The following DAXX variants were observed in gnomAD, a reference collection of about 807,000 sequenced individuals.
DAXX encodes the protein death domain associated protein, also known as death domain-associated protein 6.
DAXX carries 24 observed loss-of-function variants against 61.9 expected under a neutral mutation model. That is an observed-to-expected ratio of 0.39 (90% CI 0.28 to 0.55). The LOEUF (loss-of-function observed/expected upper bound fraction) is 0.55. DAXX is among the 20% of genes least tolerant of loss of function. DAXX has a pLI of 0.69. For synonymous variants in DAXX, 357 were observed against 369.5 expected, an observed-to-expected ratio of 0.97 and a Z score of 0.39; for missense variants, 819 against 935.3, an observed-to-expected ratio of 0.88 and a Z score of 1.62.
rs762814956 is a variant in DAXX, at chr6:33,322,879, G to C, written c.-70C>G. On this transcript the variant is annotated 5_prime_UTR_variant, in exon 1 of 8. Coordinates refer to ENST00000374542, the MANE Select transcript of DAXX (RefSeq NM_001141969.2). ...GCCCCCACCTCAGAAACCGTCTCTC[G>C]AGGCGACCCTCGCCGCAATTCTCAG... 7.1e-7 allele frequency: 1 copy of C among 1,411,462 alleles called. No homozygotes were observed. The highest frequency in any genetic ancestry group is 1.1e-5 in the South Asian group (1 of 87,434). The allele number at this position is 1,411,462 out of a possible 1,614,324, so 87.4% of individuals were successfully genotyped here.
At position 33,321,037 on chromosome 6, in the gene DAXX, A is replaced by C. The variant is rs200071612; in HGVS notation, c.738T>G (p.Ser246=). The C allele has an allele frequency of 6.2e-7, 1 of 1,614,150 alleles. No homozygotes were observed. Among genetic ancestry groups the C allele is most frequent in the East Asian group, 2.2e-5 (1 of 44,886 alleles). Residue 246 remains serine, a synonymous_variant, in exon 3 of 8, where the codon TCT becomes TCG. Transcript: ENST00000374542. The surrounding 1 kb of genome is among the most constrained non-coding windows in gnomAD (Gnocchi z 7.2). The stretch of plus-strand genomic sequence containing the variant: ...GCTCTATGACACGGCCGGTCAGTGA[A>C]GAGCAGTCTTTCAGCTCACATAGTC... ...FGRLCELKDC[S]SLTGRVIEQR...
chr6:33,318,627 A>C lies in DAXX; in HGVS notation c.*116T>G. The C allele has an allele frequency of 2.3e-6, 1 of 431,304 alleles. No individual in the cohort carries two copies. Among genetic ancestry groups the C allele is most frequent in the Non-Finnish European group, 4.2e-6 (1 of 238,684 alleles). The allele number at this position is 431,304 out of a possible 1,614,324, so 26.7% of individuals were successfully genotyped here. ...AAACTTAAGCTTTTTTTTTTTTTTAAAGAAACACCACCAAAAGGGGATTAG... is the reference window on the plus strand; with the variant it reads ...AAACTTAAGCTTTTTTTTTTTTTTACAGAAACACCACCAAAAGGGGATTAG... On this transcript the variant is annotated 3_prime_UTR_variant, in exon 8 of 8. Coordinates refer to ENST00000374542, the MANE Select transcript of DAXX (RefSeq NM_001141969.2).
chr6:33,319,819 G>T lies in DAXX; in HGVS notation c.1501C>A (p.Gln501Lys). ...DGDKSPMSSLQISNEKNLEPG... is the reference protein window; with the variant it reads ...DGDKSPMSSLKISNEKNLEPG... ...TCCAGGTTCTTTTCATTGGAGATCT[G>T]TAGTGAGGACATGGGGCTCTTGTCT... The change falls in exon 6 of 8, where the codon CAG becomes AAG. Residue 501 changes from glutamine (Q) to lysine (K), a missense_variant. Transcript: ENST00000374542. 6.2e-7 allele frequency: 1 copy of T among 1,613,688 alleles called. No individual in the cohort carries two copies. Among genetic ancestry groups the T allele is most frequent in the Non-Finnish European group, 8.5e-7 (1 of 1,179,828 alleles).
In DAXX at chr6:33,321,358, G is replaced by C; in HGVS notation, c.417C>G (p.Ala139=). 1 of 1,613,150 alleles carries C rather than the reference G, an allele frequency of 6.2e-7. No individual in the cohort carries two copies. Among genetic ancestry groups the C allele is most frequent in the Non-Finnish European group, 8.5e-7 (1 of 1,179,064 alleles). ...CAGGGGCCAAGTTCAGCTTCTTTTT[G>C]GCTGAGTGGGCCTTGAGAACAGTGC... ...ELCTVLKAHS[A]KKKLNLAPAA... The change falls in exon 3 of 8, where the codon GCC becomes GCG. Residue 139 remains alanine (A), a synonymous_variant. Transcript: ENST00000374542. The surrounding 1 kb of genome is among the most constrained non-coding windows in gnomAD (Gnocchi z 7.2).
At position 33,320,002 on chromosome 6, in the gene DAXX, T is replaced by C; in HGVS notation, c.1465+9A>G. ...AATGACAGGTGAGGAGAATGTTCCC[T>C]TGACATACCTGCTGCTGCTTCTTCC... On this transcript the variant is annotated intron_variant, in intron 5 of 7. Transcript: ENST00000374542. The surrounding 1 kb of genome is among the most constrained non-coding windows in gnomAD (Gnocchi z 7.1). 6.2e-7 allele frequency: 1 copy of C among 1,614,020 alleles called. No individual in the cohort carries two copies. The highest frequency in any genetic ancestry group is 8.5e-7 in the Non-Finnish European group (1 of 1,179,960).
Position 33,321,467 on chromosome 6 carries a change from GC to G in DAXX, c.307del (p.Ala103ArgfsTer41). The G allele has an allele frequency of 6.2e-7, 1 of 1,614,048 alleles. No individual in the cohort carries two copies. Among genetic ancestry groups the G allele is most frequent in the Non-Finnish European group, 8.5e-7 (1 of 1,180,006 alleles). The stretch of plus-strand genomic sequence containing the variant: ...CCTAGAGAGGATGTTGCAGAACTCC[GC>G]CGAGGCCAAAAACAGAGAGTGGGCA... ...QRAHSLFLAS[A>X]EFCNILSRVL... On this transcript the variant is annotated frameshift_variant, in exon 3 of 8. Transcript: ENST00000374542. LOFTEE classifies it high-confidence loss of function. The surrounding 1 kb of genome is among the most constrained non-coding windows in gnomAD (Gnocchi z 7.2).
Position 33,321,114 on chromosome 6 carries a change from C to T in DAXX, c.661G>A (p.Ala221Thr), listed in dbSNP as rs776375824. The change falls in exon 3 of 8, where the codon GCA becomes ACA. Residue 221 changes from alanine to threonine, a missense_variant. By Grantham distance (58) the Ala-to-Thr change is moderately conservative (BLOSUM62 0). Transcript: ENST00000374542. The surrounding 1 kb of genome is among the most constrained non-coding windows in gnomAD (Gnocchi z 7.2). ...TTCAACCGTGCCTCCTGCAGGTATG[C>T]GGAGTCTGGGTCATCCAATTCTGAG... ...DLSELDDPDS[A>T]YLQEARLKRK... 1.6e-5 allele frequency: 25 copies of T among 1,610,998 alleles called. No individual in the cohort carries two copies. The highest frequency in any genetic ancestry group is 4.0e-5 in the African/African-American group (3 of 74,856).
Position 33,320,408 on chromosome 6 carries a change from G to A in DAXX, c.1223C>T (p.Thr408Ile), listed in dbSNP as rs779938017. Residue 408 changes from threonine to isoleucine, a missense_variant, in exon 4 of 8, where the codon ACC becomes ATC. Transcript: ENST00000374542. The surrounding 1 kb of genome is among the most constrained non-coding windows in gnomAD (Gnocchi z 7.1). ...ACCAGAATCCAAGGAGGCTTCGGGG[G>A]TGTCTGCAGAGTGGGAAGAGGTGCC... ...LQGTSSHSAD[T>I]PEASLDSGEG... 2 of 1,612,992 alleles carry A rather than the reference G, an allele frequency of 1.2e-6. No individual in the cohort carries two copies. The highest frequency in any genetic ancestry group is 1.7e-6 in the Non-Finnish European group (2 of 1,178,912).
Position 33,319,040 on chromosome 6 carries a change from G to A in DAXX, c.2120C>T (p.Ser707Phe), listed in dbSNP as rs915933778. ...AGGAGGCTGTGAATGGGGGGTTTGG[G>A]ACAGCCGGGCTGGAGAAGGGATGCA... ...SLCIPSPARL[S>F]QTPHSQPPRP... Residue 707 changes from serine to phenylalanine, a missense_variant, in exon 7 of 8, where the codon TCC (serine) becomes TTC (phenylalanine). Transcript: ENST00000374542. 2 of 1,613,800 alleles carry A rather than the reference G, an allele frequency of 1.2e-6. No individual in the cohort carries two copies. The highest frequency in any genetic ancestry group is 3.3e-5 in the Admixed American group (2 of 60,036).
chr6:33,320,334 G>T lies in DAXX; in HGVS notation c.1251+46C>A. 6.8e-7 allele frequency: 1 copy of T among 1,476,530 alleles called. No homozygotes were observed. The highest frequency in any genetic ancestry group is 9.5e-7 in the Non-Finnish European group (1 of 1,054,322). 91.5% of individuals were successfully genotyped at this position (1,476,530 alleles called of 1,614,324 possible). ...CAACCTGGACTCCCTGGTGGCCAGTGCAGGGGAAGGACAATGTCTCTCTGA... is the reference window on the plus strand; with the variant it reads ...CAACCTGGACTCCCTGGTGGCCAGTTCAGGGGAAGGACAATGTCTCTCTGA... On this transcript the variant is annotated intron_variant, in intron 4 of 7. Transcript: ENST00000374542. The surrounding 1 kb of genome is among the most constrained non-coding windows in gnomAD (Gnocchi z 7.1).
rs758302247 is a variant in DAXX, at chr6:33,320,773, G to A, written c.1002C>T (p.Tyr334=). 2 of 1,614,202 alleles carry A rather than the reference G, an allele frequency of 1.2e-6. No homozygotes were observed. The highest frequency in any genetic ancestry group is 1.7e-6 in the Non-Finnish European group (2 of 1,180,044). ...LQERRHLDLI[Y]NFGCHLTDDY... ...CATCTGTGAGGTGGCAGCCAAAGTT[G>A]TAGATGAGATCGAGGTGACGTCGCT... The change falls in exon 3 of 8, where the codon TAC becomes TAT. Residue 334 remains tyrosine (Y), a synonymous_variant. Transcript: ENST00000374542. The surrounding 1 kb of genome is among the most constrained non-coding windows in gnomAD (Gnocchi z 7.1).
rs1770522226 is a variant in DAXX at position 33,321,001 on chromosome 6, G to A, written c.774C>T (p.Pro258=). 1 of 1,613,842 alleles carries A rather than the reference G, an allele frequency of 6.2e-7. No homozygotes were observed. Among genetic ancestry groups the A allele is most frequent in the Non-Finnish European group, 8.5e-7 (1 of 1,179,820 alleles). The stretch of plus-strand genomic sequence containing the variant: ...CCTCTGGGTAGCGGGTGCCACGGTA[G>A]GGGATGCGCTGCTCTATGACACGGC... ...LTGRVIEQRI[P]YRGTRYPEVN... Residue 258 remains proline (P), a synonymous_variant, in exon 3 of 8, where the codon CCC becomes CCT. Coordinates refer to ENST00000374542, the MANE Select transcript of DAXX (RefSeq NM_001141969.2). The surrounding 1 kb of genome is among the most constrained non-coding windows in gnomAD (Gnocchi z 7.2).
At position 33,319,000 on chromosome 6, in the gene DAXX, G is replaced by A. The variant is rs376435137; in HGVS notation, c.2160C>T (p.Cys720=). 10 of 1,611,866 alleles carry A rather than the reference G, an allele frequency of 6.2e-6. No individual in the cohort carries two copies. Among genetic ancestry groups the A allele is most frequent in the Non-Finnish European group, 7.6e-6 (9 of 1,178,970 alleles). The change falls in exon 7 of 8, where the codon TGC becomes TGT. Residue 720 remains cysteine, a synonymous_variant. Coordinates refer to ENST00000374542, the MANE Select transcript of DAXX (RefSeq NM_001141969.2). ...AAACACGCCCTCCCCTTCTTACCTTGCAAGTACCAGGCCGAGGAGGCTGTG... is the reference window on the plus strand; with the variant it reads ...AAACACGCCCTCCCCTTCTTACCTTACAAGTACCAGGCCGAGGAGGCTGTG... ...PHSQPPRPGT[C]KTSVATQCDP...
rs527236891 is a variant in DAXX at position 33,321,946 on chromosome 6, G to A, written c.-21C>T. The A allele has an allele frequency of 4.3e-5, 68 of 1,595,682 alleles. No individual in the cohort carries two copies. In the South Asian group the frequency reaches 7.3e-4, roughly 17 times the overall value. On this transcript the variant is annotated 5_prime_UTR_variant, in exon 2 of 8. Coordinates refer to ENST00000374542, the MANE Select transcript of DAXX (RefSeq NM_001141969.2). This position sits in a 1 kb window ranked among gnomAD's most constrained non-coding sequence, Gnocchi z 7.2. ...GCCATAGGGGATCAAATCCCCCGGA[G>A]GGAGGAAGTGGTGGGGATTTCAGAA... is the stretch of plus-strand genomic sequence containing the variant.
chr6:33,318,853 A>G (rs2150986326), intron 7 of DAXX, 51 bp from the exon 8 acceptor site: 1 of 1,291,368 alleles, frequency 7.7e-7, no homozygotes, highest in Non-Finnish European at 1.1e-6. Flanking sequence ...GTACAGGAGA[A>G]AAGAAACAGG....
Position 33,322,852 on chromosome 6 carries a change from C to T in DAXX, c.-53+10G>A. 1.4e-6 allele frequency: 2 copies of T among 1,384,406 alleles called. No homozygotes were observed. Among genetic ancestry groups the T allele is most frequent in the Non-Finnish European group, 2.0e-6 (2 of 1,014,078 alleles). 85.8% of individuals were successfully genotyped at this position (1,384,406 alleles called of 1,614,324 possible). A position where few individuals can be genotyped will look rare whatever the true frequency, so the allele number is the denominator to read the frequency against. ...CCCCGCCTCTGATCCCCGCACCGTC[C>T]GGCCCCCACCTCAGAAACCGTCTCT... is the stretch of plus-strand genomic sequence containing the variant. On this transcript the variant is annotated intron_variant, in intron 1 of 7. Transcript: ENST00000374542.
chr6:33,319,108 C>A lies in DAXX; in HGVS notation c.2052G>T (p.Thr684=). Reference sequence around the variant, plus strand: ...GGCCATGGCTGGGAGAGTCCACCCTCGTGGAGGAATCAGCAACTGGGGCCA... The same window carrying A: ...GGCCATGGCTGGGAGAGTCCACCCTAGTGGAGGAATCAGCAACTGGGGCCA... ...ASLAPVADSS[T]RVDSPSHGLV... Residue 684 remains threonine, a synonymous_variant, in exon 7 of 8, where the codon ACG becomes ACT. Coordinates refer to ENST00000374542, the MANE Select transcript of DAXX (RefSeq NM_001141969.2). 9 of 1,614,142 alleles carry A rather than the reference C, an allele frequency of 5.6e-6. No homozygotes were observed. The highest frequency in any genetic ancestry group is 7.6e-6 in the Non-Finnish European group (9 of 1,180,032).
intron 1 of DAXX, 55 bp downstream of exon 1, chr6:33,322,804 TACC>T: frequency 1.3e-6 from 1 of 767,804 alleles, no homozygotes; most frequent in Non-Finnish European, 2.1e-6. Flanking sequence ...CTCTCCCCAA[TACC>T]TCTCCCTCTA....
Position 33,320,138 on chromosome 6 carries a change from T to C in DAXX, c.1338A>G (p.Glu446=), listed in dbSNP as rs770543662. The C allele has an allele frequency of 1.2e-6, 2 of 1,613,192 alleles. No homozygotes were observed. Among genetic ancestry groups the C allele is most frequent in the Non-Finnish European group, 1.7e-6 (2 of 1,179,198 alleles). The change falls in exon 5 of 8, where the codon GAA becomes GAG. Residue 446 remains glutamate, a synonymous_variant. Transcript: ENST00000374542. The surrounding 1 kb of genome is among the most constrained non-coding windows in gnomAD (Gnocchi z 7.1). ...CTTCTTCTTCCTCCTCCTCCTCCTC[T>C]TCCTCATCACTCTCCTCATCGTCTT... ...DDEDDEESDE[E]EEEEEEEEEE... is the part of the protein sequence containing the mutation.
Sources: allele counts gnomAD v4.1 joint callset, GRCh38; gene constraint gnomAD v4.1.1; non-coding constraint Gnocchi (gnomAD v3.1); transcripts MANE v1.5; gene names NCBI Gene and HGNC (gene_info 2026-07-23, HGNC 2026-07-21).